The following XCR1 variants were observed in gnomAD, a reference collection of about 807,000 sequenced individuals.
The protein encoded by XCR1 is X-C motif chemokine receptor 1, also known as chemokine XC receptor 1.
For synonymous variants in XCR1, 187 were observed against 188.5 expected (o/e 0.99, Z 0.06); for missense variants, 356 against 424.2 (o/e 0.84, Z 1.41).
At chr3:46,037,569 C>T (rs528495429) in intron 5 of XCR1, among the ~76,000 whole-genome samples, 2 of 152,122 alleles carry the variant, frequency 1.3e-5, no homozygotes, top group African/African-American at 4.8e-5. Flanking sequence ...CTATGTAAGT[C>T]ATATGTTGCT....
At chr3:46,078,960 T>G (rs1481185225) in intron 1 of XCR1, among the ~76,000 whole-genome samples, 1 of 152,196 alleles carries the variant, frequency 6.6e-6, no homozygotes, top group African/African-American at 2.4e-5. Flanking sequence ...GACTGATCGC[T>G]CATACCTTTA....
intron 3 of XCR1, among the ~76,000 whole-genome samples, chr3:46,074,628 A>C (rs958715614): frequency 6.6e-6 from 1 of 152,196 alleles, no homozygotes; most frequent in Non-Finnish European, 1.5e-5. Flanking sequence ...AAAAAAAATC[A>C]TAAGGAAGAA....
chr3:46,075,896 A>G (rs1176194769), intron 2 of XCR1, among the ~76,000 whole-genome samples: 1 of 152,218 alleles, frequency 6.6e-6, no homozygotes, highest in Non-Finnish European at 1.5e-5. Context: ...AAATAGTGGC[A>G]ATACCAAATT....
chr3:46,029,835 GT>G (rs150412924), upstream of XCR1, among the ~76,000 whole-genome samples: 30,263 of 151,776 alleles, frequency 0.2, 4,412 homozygotes, highest in African/African-American at 0.4. Flanking sequence ...GTCTTCTTTA[GT>G]TTTTTTTCCA....
intron 4 of XCR1, among the ~76,000 whole-genome samples, chr3:46,064,426 C>G (rs984783269): frequency 1.3e-5 from 2 of 152,132 alleles, no homozygotes; most frequent in African/African-American, 4.8e-5. Context: ...TTTCCTAGCT[C>G]TCTTGTATCA....
chr3:46,022,133 T>A, intron 1 of XCR1, 155 bp from the exon 2 acceptor site: 1 of 631,546 alleles, frequency 1.6e-6, no homozygotes, highest in Non-Finnish European at 2.6e-6. Context: ...CACCCCTGTC[T>A]CTACAAAAAA....
chr3:46,040,368 T>C (rs188796017), intron 5 of XCR1, among the ~76,000 whole-genome samples: 9 of 152,318 alleles, frequency 5.9e-5, no homozygotes, highest in Admixed American at 5.2e-4. Flanking sequence ...CCAAATTCAG[T>C]CTTTTTGACC....
intron 5 of XCR1, among the ~76,000 whole-genome samples, chr3:46,039,136 G>C (rs1027363553): frequency 1.1e-4 from 16 of 152,194 alleles, no homozygotes; most frequent in Non-Finnish European, 2.2e-4. Context: ...TGTCAGTACT[G>C]TATCTAGAAA....
intron 1 of XCR1, among the ~76,000 whole-genome samples, chr3:46,082,902 G>A (rs1398543383): frequency 6.6e-6 from 1 of 152,094 alleles, no homozygotes; most frequent in Non-Finnish European, 1.5e-5. Context: ...GAGATGCTGG[G>A]TTTGCTACCC....
intron 1 of XCR1, among the ~76,000 whole-genome samples, chr3:46,079,542 A>C (rs926670181): frequency 5.9e-5 from 9 of 151,828 alleles, no homozygotes; most frequent in African/African-American, 2.2e-4. Flanking sequence ...GCACCTTTAT[A>C]TCCTCTCTTA....
chr3:46,051,920 G>A (rs1697752652), intron 5 of XCR1, among the ~76,000 whole-genome samples: 1 of 152,058 alleles, frequency 6.6e-6, no homozygotes, highest in South Asian at 2.1e-4. Flanking sequence ...CAGCTACTTG[G>A]GAGGCTGAGG....
upstream of XCR1, chr3:46,027,638 C>A (rs1205450611): frequency 6.6e-6 from 1 of 152,210 alleles, no homozygotes; most frequent in Non-Finnish European, 1.5e-5. Context: ...CTTGGTGGAA[C>A]TCCTTCAAAC....
chr3:46,025,395 C>G (rs1708266326), intron 1 of XCR1, among the ~76,000 whole-genome samples: 1 of 151,796 alleles, frequency 6.6e-6, no homozygotes, highest in African/African-American at 2.4e-5. Context: ...CAGAGCAAGA[C>G]CCTGTCTCAA....
At chr3:46,036,745 G>A (rs1036327553) in intron 5 of XCR1, among the ~76,000 whole-genome samples, 5 of 152,110 alleles carry the variant, frequency 3.3e-5, no homozygotes, top group African/African-American at 9.7e-5. Context: ...TTTTTAATAA[G>A]TAAGACTAAT....
chr3:46,033,462 C>T (rs946346519), intron 5 of XCR1, among the ~76,000 whole-genome samples: 1 of 152,122 alleles, frequency 6.6e-6, no homozygotes, highest in East Asian at 1.9e-4. Context: ...ATTACCTATA[C>T]GTCTTTGACA....
chr3:46,082,408 TACACACAC>T (rs34278810), intron 1 of XCR1, among the ~76,000 whole-genome samples: 1 of 146,108 alleles, frequency 6.8e-6, no homozygotes. Context: ...TATACATGCA[TACACACAC>T]ACACACACAC....
At chr3:46,073,125 A>G (rs115933569) in intron 3 of XCR1, among the ~76,000 whole-genome samples, 6,829 of 152,312 alleles carry the variant, frequency 0.045, 204 homozygotes, top group African/African-American at 0.081. Context: ...TCAACTCAAG[A>G]TAGATTCAAG....
At chr3:46,069,526 A>G (rs1266215007) in intron 3 of XCR1, among the ~76,000 whole-genome samples, 1 of 152,182 alleles carries the variant, frequency 6.6e-6, no homozygotes, top group East Asian at 1.9e-4. Flanking sequence ...GAAAATCTGC[A>G]TATAACATTT....
rs566387644 is a variant in XCR1 at position 46,036,420 on chromosome 3, C to T, written c.-31-14442G>A. Among the ~76,000 whole-genome samples the T allele has an allele frequency of 2.0e-5, 3 of 152,270 alleles. No homozygotes were observed. The South Asian group carries it at 6.2e-4, about 32-fold the overall frequency. The stretch of plus-strand genomic sequence containing the variant: ...ACTTTGTATGTGTGCATATGCATGT[C>T]TAGATGTGTTTATGTATGTACATTT... On this transcript the variant is annotated intron_variant, in intron 5 of 5. Coordinates refer to the XCR1 transcript ENST00000683768.
Sources: allele counts gnomAD v4.1 joint callset (sites outside exome capture counted in the v4.1 genomes callset), GRCh38; gene constraint gnomAD v4.1.1; transcripts MANE v1.5; gene names NCBI Gene and HGNC (gene_info 2026-07-23, HGNC 2026-07-21).